The following FNDC3B variants were observed in gnomAD, a reference collection of about 807,000 sequenced individuals.
The protein encoded by FNDC3B is fibronectin type III domain-containing protein 3B.
FNDC3B carries 12 observed loss-of-function variants against 151.5 expected under a neutral mutation model. That is an observed-to-expected ratio of 0.08 (90% CI 0.05 to 0.13). The LOEUF (loss-of-function observed/expected upper bound fraction) is 0.13, where lower values mean the gene tolerates loss of function less well. Ranked by LOEUF, FNDC3B falls within the 10% of genes least tolerant of loss-of-function variation. The pLI is 1.00. For missense variants in FNDC3B, 1,214 were observed against 1,505.3 expected (o/e 0.81, Z 3.20); for synonymous variants, 528 against 549.0 (o/e 0.96, Z 0.54).
At chr3:172,146,214 AT>A (rs1400440078) in intron 3 of FNDC3B, among the ~76,000 whole-genome samples, 1 of 152,226 alleles carries the variant, frequency 6.6e-6, no homozygotes, top group East Asian at 1.9e-4. Flanking sequence ...TGGTTAATTT[AT>A]TCTTAGTTAA....
At position 172,174,933 on chromosome 3, in the gene FNDC3B, A is replaced by G. The variant is rs6802518; in HGVS notation, c.187+41387A>G. 1.6e-4 allele frequency among the ~76,000 whole-genome samples: 3 copies of G among 18,260 alleles called. 1 individual carries two copies. The highest frequency in any genetic ancestry group is 3.4e-4 in the Non-Finnish European group (3 of 8,788). 12.0% of individuals were successfully genotyped at this position (18,260 alleles called of 152,430 possible). On this transcript the variant is annotated intron_variant, in intron 3 of 25. Coordinates refer to ENST00000415807, the MANE Select transcript of FNDC3B (RefSeq NM_022763.4). Reference sequence around the variant, plus strand: ...GGACTTTGGAGACCTTCCCCCCGCCACCCCCCCCCCCCCAATACAATTTGC... The same window carrying G: ...GGACTTTGGAGACCTTCCCCCCGCCGCCCCCCCCCCCCCAATACAATTTGC...
intron 3 of FNDC3B, among the ~76,000 whole-genome samples, chr3:172,221,404 G>C (rs1450043914): frequency 6.6e-6 from 1 of 152,188 alleles, no homozygotes. Context: ...CATGAAGTCA[G>C]AGCTTATCAA....
At chr3:172,058,211 A>G (rs984591443) in intron 1 of FNDC3B, among the ~76,000 whole-genome samples, 4 of 152,214 alleles carry the variant, frequency 2.6e-5, no homozygotes, top group Admixed American at 6.5e-5. Flanking sequence ...TTCTCTCGGA[A>G]TATTAGTTTT....
intron 2 of FNDC3B, among the ~76,000 whole-genome samples, chr3:172,123,930 A>C (rs1378609336): frequency 6.6e-6 from 1 of 152,122 alleles, no homozygotes; most frequent in Non-Finnish European, 1.5e-5. Flanking sequence ...GACACAGGGA[A>C]TCAATTGATG....
At chr3:172,362,530 C>A in intron 22 of FNDC3B, 103 bp from the exon 23 acceptor site, 1 of 890,944 alleles carries the variant, frequency 1.1e-6, no homozygotes, top group Non-Finnish European at 1.8e-6. Context: ...TATGTTATTG[C>A]TTTAGGGACA....
intron 9 of FNDC3B, among the ~76,000 whole-genome samples, chr3:172,300,970 G>A (rs555552853): frequency 6.6e-6 from 1 of 152,104 alleles, no homozygotes; most frequent in South Asian, 2.1e-4. Flanking sequence ...CTCTTATTTA[G>A]ATGTAGCTTC....
intron 25 of FNDC3B, 128 bp downstream of exon 25, chr3:172,381,221 A>G (rs9853174): frequency 0.14 from 135,637 of 997,688 alleles, 16,685 homozygotes; most frequent in East Asian, 0.64. Context: ...CCTAACTTGT[A>G]CTTATTGTAT....
At chr3:172,090,761 C>G (rs1218167401) in intron 1 of FNDC3B, among the ~76,000 whole-genome samples, 1 of 152,130 alleles carries the variant, frequency 6.6e-6, no homozygotes, top group Admixed American at 6.5e-5. Context: ...TGAGTGCCAA[C>G]AGGATGCCAC....
intron 22 of FNDC3B, among the ~76,000 whole-genome samples, chr3:172,353,666 A>G (rs1733962373): frequency 1.3e-5 from 2 of 152,234 alleles, no homozygotes; most frequent in African/African-American, 2.4e-5. Context: ...AAAGCACCTC[A>G]GAGGATAGTT....
At chr3:172,309,441 T>C (rs1468543492) in intron 10 of FNDC3B, among the ~76,000 whole-genome samples, 1 of 142,212 alleles carries the variant, frequency 7.0e-6, no homozygotes, top group Non-Finnish European at 1.5e-5. Flanking sequence ...CAAAGAACAG[T>C]TTTTTTTTGA....
chr3:172,290,529 A>AGACTGG (rs1290516783), intron 7 of FNDC3B, among the ~76,000 whole-genome samples: 1 of 152,164 alleles, frequency 6.6e-6, no homozygotes, highest in Non-Finnish European at 1.5e-5. Flanking sequence ...AGTCTCCCAT[A>AGACTGG]GACTGGTGGG....
At chr3:172,181,056 C>A (rs1421008615) in intron 3 of FNDC3B, among the ~76,000 whole-genome samples, 1 of 151,534 alleles carries the variant, frequency 6.6e-6, no homozygotes, top group African/African-American at 2.4e-5. Context: ...TAGAATAAGC[C>A]CTGGAAATAA....
At chr3:172,158,340 C>A (rs1276385340) in intron 3 of FNDC3B, among the ~76,000 whole-genome samples, 1 of 152,216 alleles carries the variant, frequency 6.6e-6, no homozygotes. Context: ...TCTCTTCATC[C>A]TTGTCAGCAT....
At chr3:172,142,198 TTA>T (rs1443420456) in intron 3 of FNDC3B, among the ~76,000 whole-genome samples, 5 of 152,230 alleles carry the variant, frequency 3.3e-5, no homozygotes, top group Admixed American at 2.0e-4. Context: ...TCGCTCTTTA[TTA>T]TGGGTGGGCA....
chr3:172,268,200 G>C (rs570571608), intron 6 of FNDC3B, among the ~76,000 whole-genome samples: 1 of 152,194 alleles, frequency 6.6e-6, no homozygotes, highest in South Asian at 2.1e-4. Flanking sequence ...TGTCATACTT[G>C]GCGGAAAATA....
chr3:172,175,649 T>A (rs1213054252), intron 3 of FNDC3B, among the ~76,000 whole-genome samples: 8 of 152,210 alleles, frequency 5.3e-5, no homozygotes, highest in Non-Finnish European at 1.5e-5. Flanking sequence ...GATTCTGCCC[T>A]TAAAGGGGTT....
chr3:172,124,767 G>A (rs991437929), intron 2 of FNDC3B, among the ~76,000 whole-genome samples: 5 of 152,214 alleles, frequency 3.3e-5, no homozygotes, highest in Admixed American at 2.6e-4. Context: ...GTTGGAAACA[G>A]TGGCTTTTAA....
At chr3:172,361,514 C>G (rs1294966768) in intron 22 of FNDC3B, among the ~76,000 whole-genome samples, 1 of 152,148 alleles carries the variant, frequency 6.6e-6, no homozygotes. Flanking sequence ...GTTCTTTGCT[C>G]CAGTTCCCAA....
intron 6 of FNDC3B, among the ~76,000 whole-genome samples, chr3:172,266,981 C>T (rs1728953814): frequency 6.6e-6 from 1 of 152,204 alleles, no homozygotes; most frequent in South Asian, 2.1e-4. Context: ...CCTCACCTTC[C>T]ACAACATCTA....
Sources: gnomAD v4.1 joint callset for allele counts (sites outside exome capture counted in the v4.1 genomes callset) on GRCh38, gnomAD v4.1.1 for gene constraint, MANE v1.5 for transcripts, NCBI Gene and HGNC (gene_info 2026-07-23, HGNC 2026-07-21) for gene names.